The following TENM1 variants were observed in gnomAD, a reference collection of about 807,000 sequenced individuals.
TENM1 encodes teneurin transmembrane protein 1.
In TENM1, 35 loss-of-function variants were observed where a neutral mutation model predicts 174.8. The ratio of observed to expected loss-of-function variants is 0.20; its 90% CI spans 0.15 to 0.27. TENM1 has a LOEUF of 0.27. TENM1 is among the 10% of genes least tolerant of loss of function. TENM1 has a pLI of 1.00. For missense variants in TENM1, 1,633 were observed against 2,130.1 expected (o/e 0.77, Z 4.59); for synonymous variants, 781 against 798.7 (o/e 0.98, Z 0.37).
chrX:124,823,304 CATGAGGCAGTGATCAT>C (rs2056081607), intron 3 of TENM1, among the ~76,000 whole-genome samples: 1 of 111,942 alleles, frequency 8.9e-6, no homozygotes, highest in African/African-American at 3.2e-5. Context: ...CAGAGTCTGG[CATGAGGCAGTGATCAT>C]TTGAGCTAAA....
At chrX:124,985,130 C>CT in the TENM1 span, among the ~76,000 whole-genome samples, 1 of 112,188 alleles carries the variant, frequency 8.9e-6, no homozygotes, top group Non-Finnish European at 1.9e-5. Flanking sequence ...TATCTATTGA[C>CT]TGGGGATTCA....
At chrX:124,692,513 C>A (rs1021421506) in intron 5 of TENM1, among the ~76,000 whole-genome samples, 9 of 109,039 alleles carry the variant, frequency 8.3e-5, no homozygotes, top group Non-Finnish European at 1.7e-4. Context: ...CTTAGGTCTT[C>A]TTCTATATAT....
the TENM1 span, among the ~76,000 whole-genome samples, chrX:125,056,590 T>A: frequency 9.0e-6 from 1 of 111,394 alleles, no homozygotes; most frequent in Non-Finnish European, 1.9e-5. Flanking sequence ...CTGTGCTGGA[T>A]GCAGCAGACT....
chrX:124,547,493 A>G (rs1352697750), intron 14 of TENM1, among the ~76,000 whole-genome samples: 1 of 112,335 alleles, frequency 8.9e-6, no homozygotes, highest in Non-Finnish European at 1.9e-5. Flanking sequence ...TGAGCACACA[A>G]TTAACAAGTA....
At chrX:124,789,619 G>A (rs1211696787) in intron 3 of TENM1, among the ~76,000 whole-genome samples, 1 of 111,270 alleles carries the variant, frequency 9.0e-6, no homozygotes. Flanking sequence ...GCAAAATGCT[G>A]CCAGTCTCTT....
intron 3 of TENM1, among the ~76,000 whole-genome samples, chrX:124,814,122 G>C (rs942716557): frequency 9.0e-6 from 1 of 111,302 alleles, no homozygotes; most frequent in Admixed American, 9.6e-5. Context: ...GAAGTTAACA[G>C]CTTCATTTCT....
At chrX:124,479,404 G>A (rs2046798871) in intron 22 of TENM1, among the ~76,000 whole-genome samples, 1 of 112,023 alleles carries the variant, frequency 8.9e-6, no homozygotes, top group Admixed American at 9.5e-5. Flanking sequence ...ACCAGATTAT[G>A]GCAAAGGAAG....
chrX:124,675,081 T>C (rs2052034015), intron 5 of TENM1, among the ~76,000 whole-genome samples: 1 of 111,770 alleles, frequency 8.9e-6, no homozygotes, highest in African/African-American at 3.2e-5. Flanking sequence ...TCAAGACAGA[T>C]AAAGAGGTAT....
At chrX:124,435,360 C>T (rs1207190189) in intron 23 of TENM1, among the ~76,000 whole-genome samples, 1 of 111,984 alleles carries the variant, frequency 8.9e-6, no homozygotes, top group Non-Finnish European at 1.9e-5. Context: ...AATTTACAGG[C>T]CAGAAGTATG....
intron 9 of TENM1, among the ~76,000 whole-genome samples, chrX:124,645,774 T>C (rs768260892): frequency 7.7e-4 from 87 of 112,520 alleles, no homozygotes; most frequent in Middle Eastern, 4.6e-3. Flanking sequence ...TGGACAGATG[T>C]CTGTTCCTAT....
intron 15 of TENM1, among the ~76,000 whole-genome samples, chrX:124,532,351 C>T (rs933674990): frequency 1.8e-5 from 2 of 111,930 alleles, no homozygotes; most frequent in Admixed American, 9.4e-5. Flanking sequence ...TGTCTCTCCT[C>T]TCTGCTGTTC....
intron 22 of TENM1, among the ~76,000 whole-genome samples, chrX:124,468,952 CCT>C (rs35783045): frequency 0.35 from 38,203 of 110,182 alleles, 5,183 homozygotes; most frequent in Middle Eastern, 0.44. Context: ...TGACCAACCC[CCT>C]GTCAATGGAT....
intron 23 of TENM1, among the ~76,000 whole-genome samples, chrX:124,444,960 C>G (rs1332211098): frequency 9.0e-6 from 1 of 111,574 alleles, no homozygotes; most frequent in East Asian, 2.8e-4. Context: ...GTCAGGTTGA[C>G]CAGGTTCAAA....
intron 22 of TENM1, among the ~76,000 whole-genome samples, chrX:124,454,570 GT>G (rs1198094059): frequency 1.8e-5 from 2 of 110,825 alleles, no homozygotes; most frequent in Non-Finnish European, 3.8e-5. Context: ...CGCCTGGCTA[GT>G]TTTTTGTATT....
At chrX:124,622,225 T>G (rs185773239) in intron 11 of TENM1, among the ~76,000 whole-genome samples, 14 of 112,219 alleles carry the variant, frequency 1.2e-4, no homozygotes, top group Non-Finnish European at 2.1e-4. Flanking sequence ...AGATTGAACT[T>G]TGTGAAAATA....
the TENM1 span, among the ~76,000 whole-genome samples, chrX:125,047,053 T>C: frequency 9.0e-6 from 1 of 111,488 alleles, no homozygotes; most frequent in Non-Finnish European, 1.9e-5. Context: ...GTTTAGTAGA[T>C]GTTTATTTTA....
chrX:124,786,277 T>C (rs979450664), intron 3 of TENM1, among the ~76,000 whole-genome samples: 2 of 111,879 alleles, frequency 1.8e-5, no homozygotes, highest in Admixed American at 9.5e-5. Context: ...TTTTCAGATA[T>C]ATCTCTTGCA....
intron 6 of TENM1, among the ~76,000 whole-genome samples, chrX:124,658,880 T>A (rs747962594): frequency 2.0e-4 from 23 of 112,254 alleles, no homozygotes; most frequent in Admixed American, 6.6e-4. Flanking sequence ...ACTCTGTATA[T>A]CTGTTTTTGA....
At chrX:124,546,577 C>T (rs1036340569) in intron 15 of TENM1, among the ~76,000 whole-genome samples, 19 of 111,791 alleles carry the variant, frequency 1.7e-4, no homozygotes, top group African/African-American at 5.5e-4. Flanking sequence ...ATGAATCAAT[C>T]CAGAAGCTAA....
Sources: gnomAD v4.1 joint callset for allele counts (sites outside exome capture counted in the v4.1 genomes callset) on GRCh38, gnomAD v4.1.1 for gene constraint, MANE v1.5 for transcripts, NCBI Gene and HGNC (gene_info 2026-07-23, HGNC 2026-07-21) for gene names.